Variants in VAV3 observed in about 807,000 individuals in gnomAD.
VAV3 encodes the protein guanine nucleotide exchange factor VAV3.
In VAV3, 94 loss-of-function variants were observed where a neutral mutation model predicts 131.2. The ratio of observed to expected loss-of-function variants is 0.72; its 90% CI spans 0.61 to 0.85. VAV3 has a LOEUF of 0.85. Among genes scored for constraint, VAV3 ranks in the 40% least tolerant of loss-of-function variants. VAV3 has a pLI of 0.00. For missense variants in VAV3, 939 were observed against 1,002.7 expected, an observed-to-expected ratio of 0.94 and a Z score of 0.86; for synonymous variants, 349 against 342.0, an observed-to-expected ratio of 1.02 and a Z score of -0.22.
chr1:107,731,213 A>C (rs1014125673), intron 15 of VAV3, among the ~76,000 whole-genome samples: 3 of 152,194 alleles, frequency 2.0e-5, no homozygotes, highest in Non-Finnish European at 4.4e-5. Context: ...GAAGTCTCCA[A>C]ACTGACTTCT....
chr1:107,778,127 A>C (rs2102218932), intron 3 of VAV3, among the ~76,000 whole-genome samples: 1 of 152,340 alleles, frequency 6.6e-6, no homozygotes, highest in East Asian at 1.9e-4. Context: ...CAGAGGATCC[A>C]TCAAAATAAT....
intron 1 of VAV3, among the ~76,000 whole-genome samples, chr1:107,917,490 C>G (rs1260254296): frequency 2.0e-5 from 3 of 152,132 alleles, no homozygotes; most frequent in Non-Finnish European, 4.4e-5. Flanking sequence ...CCACCATACT[C>G]CTGGATCATA....
chr1:107,668,816 C>A, intron 19 of VAV3: 1 of 985,348 alleles, frequency 1.0e-6, no homozygotes, highest in Non-Finnish European at 1.2e-6. Context: ...TTAGGAGAAA[C>A]ATACAGTTTT....
chr1:107,766,692 A>G, intron 7 of VAV3, 142 bp from the exon 8 acceptor site: 1 of 651,656 alleles, frequency 1.5e-6, no homozygotes, highest in Non-Finnish European at 2.7e-6. Flanking sequence ...TCCACCAATA[A>G]AGAGAGAGGG....
chr1:107,599,176 T>G (rs1267709444), intron 24 of VAV3, among the ~76,000 whole-genome samples: 1 of 152,324 alleles, frequency 6.6e-6, no homozygotes, highest in South Asian at 2.1e-4. Context: ...ACACTCTTTA[T>G]CACTTCACTA....
chr1:107,771,541 C>T (rs1246171127), intron 5 of VAV3, among the ~76,000 whole-genome samples: 1 of 152,236 alleles, frequency 6.6e-6, no homozygotes, highest in Non-Finnish European at 1.5e-5. Flanking sequence ...GCGCGAGCTA[C>T]CGCGCCCGGC....
intron 25 of VAV3, among the ~76,000 whole-genome samples, chr1:107,591,722 T>C (rs1650967287): frequency 6.6e-6 from 1 of 152,168 alleles, no homozygotes. Flanking sequence ...ATATTTTTCA[T>C]TCAGACTCCC....
At chr1:107,732,767 T>A (rs1280190603) in intron 15 of VAV3, among the ~76,000 whole-genome samples, 1 of 152,072 alleles carries the variant, frequency 6.6e-6, no homozygotes, top group African/African-American at 2.4e-5. Flanking sequence ...CTCTGTAGAC[T>A]CCACCTCTGG....
chr1:107,850,944 C>G (rs894969470), intron 2 of VAV3, among the ~76,000 whole-genome samples: 30 of 152,076 alleles, frequency 2.0e-4, no homozygotes, highest in African/African-American at 6.0e-4. Flanking sequence ...TGGCATTGCC[C>G]TCCACAGCAA....
chr1:107,608,506 T>C (rs991091662), intron 22 of VAV3, among the ~76,000 whole-genome samples: 1 of 152,216 alleles, frequency 6.6e-6, no homozygotes, highest in Non-Finnish European at 1.5e-5. Flanking sequence ...CAGACACTAA[T>C]GACTTCAAAT....
chr1:107,878,044 T>G (rs1670589341), intron 1 of VAV3, among the ~76,000 whole-genome samples: 1 of 152,164 alleles, frequency 6.6e-6, no homozygotes, highest in Non-Finnish European at 1.5e-5. Flanking sequence ...TTTATTTTAT[T>G]TTTTTGAATT....
intron 15 of VAV3, among the ~76,000 whole-genome samples, chr1:107,717,442 T>G (rs1264277389): frequency 6.6e-6 from 1 of 152,240 alleles, no homozygotes. Context: ...GTTGTGTCTT[T>G]GTTCTCATTG....
chr1:107,766,245 C>T lies in VAV3; in HGVS notation c.821+202G>A, dbSNP rs536052470. On this transcript the variant is annotated intron_variant, in intron 8 of 26. Transcript: ENST00000370056. ...ACCATACTGGGTCCTTCCCCCTCCT[C>T]CTTCTTCTTCTTCTTTTTTTCTTTT... Among the ~76,000 whole-genome samples the T allele has an allele frequency of 5.9e-5, 9 of 152,246 alleles. No homozygotes were observed. In the South Asian group the frequency reaches 1.9e-3, roughly 32 times the overall value.
chr1:107,780,949 T>C (rs190008700), intron 2 of VAV3, among the ~76,000 whole-genome samples: 1 of 152,320 alleles, frequency 6.6e-6, no homozygotes, highest in Admixed American at 6.5e-5. Context: ...AAAATCTGTT[T>C]CTAAATTAAG....
intron 1 of VAV3, among the ~76,000 whole-genome samples, chr1:107,927,847 G>A (rs767652825): frequency 6.6e-6 from 1 of 152,140 alleles, no homozygotes; most frequent in Non-Finnish European, 1.5e-5. Context: ...TGGGGCCTGG[G>A]GGAACTTGCT....
intron 1 of VAV3, among the ~76,000 whole-genome samples, chr1:107,895,259 A>T (rs1392288666): frequency 6.6e-6 from 1 of 152,212 alleles, no homozygotes; most frequent in African/African-American, 2.4e-5. Context: ...GGGGAACAAA[A>T]ATCAATATTA....
chr1:107,747,039 C>T, intron 15 of VAV3, among the ~76,000 whole-genome samples: 1 of 152,022 alleles, frequency 6.6e-6, no homozygotes, highest in East Asian at 1.9e-4. Flanking sequence ...GCCACCACAC[C>T]CGGCTAATTT....
intron 1 of VAV3, among the ~76,000 whole-genome samples, chr1:107,884,826 G>A (rs1050154248): frequency 2.0e-5 from 3 of 151,978 alleles, no homozygotes; most frequent in African/African-American, 7.3e-5. Flanking sequence ...AAGAAAGCTT[G>A]CAAGGTTCTC....
chr1:107,712,577 A>C (rs1660850647), intron 15 of VAV3, among the ~76,000 whole-genome samples: 1 of 152,226 alleles, frequency 6.6e-6, no homozygotes, highest in African/African-American at 2.4e-5. Context: ...CAATAATATA[A>C]AATGTAAAAG....
Sources: allele counts gnomAD v4.1 joint callset (sites outside exome capture counted in the v4.1 genomes callset), GRCh38; gene constraint gnomAD v4.1.1; transcripts MANE v1.5; gene names NCBI Gene and HGNC (gene_info 2026-07-23, HGNC 2026-07-21).